TGFB2: variants seen among roughly 807,000 people sequenced by gnomAD.
TGFB2 encodes transforming growth factor beta 2.
Under a neutral mutation model 42.7 loss-of-function variants are expected in TGFB2, and 13 were observed. That is an observed-to-expected ratio of 0.30 (90% CI 0.20 to 0.48). The LOEUF is 0.48. Ranked by LOEUF, TGFB2 falls within the 20% of genes least tolerant of loss-of-function variation. TGFB2 has a pLI of 0.99. For missense variants in TGFB2, 390 were observed against 517.5 expected, an observed-to-expected ratio of 0.75 and a Z score of 2.39; for synonymous variants, 193 against 193.6, an observed-to-expected ratio of 1.00 and a Z score of 0.03.
rs773724269 is a variant in TGFB2, at chr1:218,434,210, T to G, written c.639T>G (p.His213Gln). 1 of 1,613,178 alleles carries G rather than the reference T, an allele frequency of 6.2e-7. No individual in the cohort carries two copies. Among genetic ancestry groups the G allele is most frequent in the South Asian group, 1.1e-5 (1 of 90,984 alleles). Residue 213 changes from histidine to glutamine, a missense_variant, in exon 3 of 7, where the codon CAT (histidine) becomes CAG (glutamine). His to Gln is a conservative substitution (Grantham distance 24). Coordinates refer to ENST00000366930, the MANE Select transcript of TGFB2 (RefSeq NM_003238.6). ...ATGCTGTTCATGAATGGCTTCACCA[T>G]AAAGGTTACAAGCCACTCTCTCTTT... is the stretch of plus-strand genomic sequence containing the variant. ...VTDAVHEWLH[H>Q]KDRNLGFKIS...
At chr1:218,397,030 G>C (rs1420362928) in intron 1 of TGFB2, among the ~76,000 whole-genome samples, 4 of 152,178 alleles carry the variant, frequency 2.6e-5, no homozygotes, top group African/African-American at 9.7e-5. Flanking sequence ...CACTTTGGGA[G>C]GCGGAGGCAG....
chr1:218,354,191 A>C (rs1366328221), intron 1 of TGFB2, among the ~76,000 whole-genome samples: 1 of 152,342 alleles, frequency 6.6e-6, no homozygotes, highest in East Asian at 1.9e-4. Flanking sequence ...CAAATGGATG[A>C]GCATTCCCTT....
At chr1:218,399,220 A>G (rs1658630474) in intron 1 of TGFB2, among the ~76,000 whole-genome samples, 1 of 152,188 alleles carries the variant, frequency 6.6e-6, no homozygotes, top group Non-Finnish European at 1.5e-5. Context: ...AGAAATTGCA[A>G]AAATAGTACA....
intron 1 of TGFB2, among the ~76,000 whole-genome samples, chr1:218,379,102 A>G (rs1042184474): frequency 4.0e-5 from 6 of 151,352 alleles, no homozygotes; most frequent in South Asian, 2.1e-4. Context: ...CAGACCGAGA[A>G]CACATGGTAC....
intron 1 of TGFB2, among the ~76,000 whole-genome samples, chr1:218,378,431 C>T (rs1333997724): frequency 6.6e-6 from 1 of 152,132 alleles, no homozygotes; most frequent in Non-Finnish European, 1.5e-5. Flanking sequence ...CCCGCCTCGG[C>T]CTCCCAAAGT....
intron 5 of TGFB2, 45 bp from the exon 6 acceptor site, chr1:218,437,298 A>G: frequency 6.5e-7 from 1 of 1,528,462 alleles, no homozygotes; most frequent in Non-Finnish European, 8.8e-7. Flanking sequence ...AGGGTGGTGA[A>G]TCAGCTTTAA....
At chr1:218,408,954 A>G (rs556034865) in intron 2 of TGFB2, among the ~76,000 whole-genome samples, 2 of 152,328 alleles carry the variant, frequency 1.3e-5, no homozygotes, top group Non-Finnish European at 1.5e-5. Flanking sequence ...CTGCAACTAT[A>G]TATGGTCCCA....
intron 2 of TGFB2, among the ~76,000 whole-genome samples, chr1:218,413,315 G>A (rs924159184): frequency 2.6e-4 from 39 of 151,238 alleles, no homozygotes; most frequent in African/African-American, 8.5e-4. Flanking sequence ...AGAGGTTGCA[G>A]TGAGCCGAGA....
intron 6 of TGFB2, among the ~76,000 whole-genome samples, chr1:218,439,515 A>G (rs759329948): frequency 1.3e-5 from 2 of 152,222 alleles, no homozygotes; most frequent in Admixed American, 6.5e-5. Context: ...AGCATAAAGT[A>G]TATTTATTTA....
At chr1:218,433,002 G>A (rs1659858642) in intron 2 of TGFB2, among the ~76,000 whole-genome samples, 1 of 152,078 alleles carries the variant, frequency 6.6e-6, no homozygotes, top group Non-Finnish European at 1.5e-5. Context: ...CGAAACCTAG[G>A]AACATACTAC....
intron 1 of TGFB2, among the ~76,000 whole-genome samples, chr1:218,385,435 G>A (rs1192257506): frequency 6.6e-6 from 1 of 152,212 alleles, no homozygotes; most frequent in African/African-American, 2.4e-5. Context: ...CAGAGGTTTT[G>A]GGCCTTCCCC....
chr1:218,401,335 T>C (rs902622046), intron 1 of TGFB2, among the ~76,000 whole-genome samples: 3 of 152,162 alleles, frequency 2.0e-5, no homozygotes, highest in South Asian at 2.1e-4. Context: ...AGGTTTTTTT[T>C]CTCTCCCTTC....
chr1:218,440,345 C>CT lies in TGFB2; in HGVS notation c.1087-847dup, dbSNP rs34196637. The stretch of plus-strand genomic sequence containing the variant: ...TATGAAGCAATGGTAAAAAAACAGG[C>CT]TTTTTTTTTTTTAATGAAAATTGAG... On this transcript the variant is annotated intron_variant, in intron 6 of 6. Transcript: ENST00000366930. 5.7e-3 allele frequency among the ~76,000 whole-genome samples: 832 copies of CT among 145,194 alleles called. 12 individuals carry two copies. Among genetic ancestry groups the CT allele is most frequent in the African/African-American group, 0.016 (653 of 39,854 alleles).
intron 2 of TGFB2, among the ~76,000 whole-genome samples, chr1:218,418,900 A>T (rs1169677011): frequency 1.3e-5 from 2 of 152,196 alleles, no homozygotes; most frequent in Admixed American, 1.3e-4. Flanking sequence ...AGGCCTCCTC[A>T]GCCAAGTGGA....
chr1:218,376,805 T>G (rs1328132701), intron 1 of TGFB2, among the ~76,000 whole-genome samples: 1 of 152,206 alleles, frequency 6.6e-6, no homozygotes, highest in African/African-American at 2.4e-5. Flanking sequence ...CACACTACCC[T>G]GCACAAAGCA....
chr1:218,437,507 A>T lies in TGFB2; in HGVS notation c.1086+11A>T, dbSNP rs1182301311. Reference sequence around the variant, plus strand: ...ACTCAGCACAGCAGGGTGAGTGTTCAGCTTACCTGTTGCCTCTGTTCTTGG... The same window carrying T: ...ACTCAGCACAGCAGGGTGAGTGTTCTGCTTACCTGTTGCCTCTGTTCTTGG... On this transcript the variant is annotated intron_variant, in intron 6 of 6. Coordinates refer to ENST00000366930, the MANE Select transcript of TGFB2 (RefSeq NM_003238.6). The T allele has an allele frequency of 1.8e-5, 29 of 1,603,132 alleles. No individual in the cohort carries two copies. Among genetic ancestry groups the T allele is most frequent in the Non-Finnish European group, 2.4e-5 (28 of 1,175,174 alleles).
At chr1:218,392,944 C>T (rs1269225743) in intron 1 of TGFB2, among the ~76,000 whole-genome samples, 1 of 152,218 alleles carries the variant, frequency 6.6e-6, no homozygotes, top group Non-Finnish European at 1.5e-5. Context: ...CAAATCAGCA[C>T]AGTGCCTCAA....
chr1:218,354,837 C>T (rs375226222), intron 1 of TGFB2, among the ~76,000 whole-genome samples: 142 of 152,270 alleles, frequency 9.3e-4, no homozygotes, highest in African/African-American at 3.2e-3. Context: ...TGCCTCTTAA[C>T]ACATTCAACT....
intron 1 of TGFB2, among the ~76,000 whole-genome samples, chr1:218,383,762 A>G (rs1658040116): frequency 6.6e-6 from 1 of 152,258 alleles, no homozygotes; most frequent in Non-Finnish European, 1.5e-5. Flanking sequence ...TCGATGGGTT[A>G]CAGATTGCAA....
Sources: allele counts gnomAD v4.1 joint callset (sites outside exome capture counted in the v4.1 genomes callset), GRCh38; gene constraint gnomAD v4.1.1; transcripts MANE v1.5; gene names NCBI Gene and HGNC (gene_info 2026-07-23, HGNC 2026-07-21).